The following SIPA1L1 variants were observed in gnomAD, a reference collection of about 807,000 sequenced individuals.
The protein encoded by SIPA1L1 is signal-induced proliferation-associated 1-like protein 1.
A neutral mutation model predicts 162.7 loss-of-function variants in SIPA1L1; 26 were observed. That is an observed-to-expected ratio of 0.16 (90% CI 0.12 to 0.22). The LOEUF is 0.22. Ranked by LOEUF, SIPA1L1 falls within the 10% of genes least tolerant of loss-of-function variation. The pLI is 1.00. For missense variants in SIPA1L1, 1,874 were observed against 2,241.0 expected, an observed-to-expected ratio of 0.84 and a Z score of 3.31; for synonymous variants, 829 against 837.4, an observed-to-expected ratio of 0.99 and a Z score of 0.17.
chr14:71,366,507 C>T (rs747877627), intron 2 of SIPA1L1, among the ~76,000 whole-genome samples: 1 of 152,106 alleles, frequency 6.6e-6, no homozygotes, highest in Non-Finnish European at 1.5e-5. Context: ...CGTGATCTCT[C>T]ACTGCAAACT....
At chr14:71,599,147 C>CTT (rs35037397) in intron 5 of SIPA1L1, among the ~76,000 whole-genome samples, 36,849 of 106,064 alleles carry the variant, frequency 0.35, 8,327 homozygotes, top group Non-Finnish European at 0.46. Flanking sequence ...TGATTTCATT[C>CTT]TTTTTTTTTT....
intron 2 of SIPA1L1, among the ~76,000 whole-genome samples, chr14:71,329,453 T>C (rs1368741554): frequency 6.6e-6 from 1 of 150,974 alleles, no homozygotes. Flanking sequence ...TAATAAAAAA[T>C]TTTTCGAGAC....
intron 2 of SIPA1L1, among the ~76,000 whole-genome samples, chr14:71,403,833 G>GGTTGCC (rs1190375432): frequency 5.9e-5 from 9 of 152,008 alleles, no homozygotes; most frequent in Admixed American, 5.9e-4. Flanking sequence ...TTTGTAGTCT[G>GGTTGCC]GTTGCCAGTC....
intron 4 of SIPA1L1, among the ~76,000 whole-genome samples, chr14:71,536,765 G>C (rs2053940973): frequency 6.6e-6 from 1 of 152,172 alleles, no homozygotes; most frequent in Non-Finnish European, 1.5e-5. Flanking sequence ...ATATTGCCAA[G>C]TTTTAAATTA....
chr14:71,684,831 G>A (rs1163007616), intron 12 of SIPA1L1, among the ~76,000 whole-genome samples: 1 of 150,728 alleles, frequency 6.6e-6, no homozygotes, highest in Non-Finnish European at 1.5e-5. Flanking sequence ...GAAGCTGCTT[G>A]TATACCCTTT....
chr14:71,373,328 A>C (rs2039067316), intron 2 of SIPA1L1, among the ~76,000 whole-genome samples: 1 of 149,900 alleles, frequency 6.7e-6, no homozygotes, highest in East Asian at 2.0e-4. Flanking sequence ...AAAAAAAAAA[A>C]GTTACCAGTA....
At chr14:71,566,775 G>A (rs1340420319) in intron 4 of SIPA1L1, among the ~76,000 whole-genome samples, 1 of 152,166 alleles carries the variant, frequency 6.6e-6, no homozygotes, top group Non-Finnish European at 1.5e-5. Context: ...GTATGATATT[G>A]GTGATTGGGA....
At chr14:71,612,613 C>A (rs1458526672) in intron 5 of SIPA1L1, among the ~76,000 whole-genome samples, 1 of 152,128 alleles carries the variant, frequency 6.6e-6, no homozygotes, top group African/African-American at 2.4e-5. Flanking sequence ...ACATAGCCTG[C>A]AGATACCATG....
chr14:71,503,691 T>C (rs369379516), intron 2 of SIPA1L1: 1 of 152,236 alleles, frequency 6.6e-6, no homozygotes, highest in East Asian at 1.9e-4. Context: ...TTATTTACTT[T>C]TGTAAACTAT....
chr14:71,495,886 C>CA (rs61183823), intron 2 of SIPA1L1, among the ~76,000 whole-genome samples: 1,075 of 38,028 alleles, frequency 0.028, 81 homozygotes, highest in African/African-American at 0.068. Context: ...TCCATCTCTA[C>CA]AAAAAAAAAA....
intron 2 of SIPA1L1, among the ~76,000 whole-genome samples, chr14:71,502,255 A>AAAATATATATATAT (rs67020418): frequency 3.1e-5 from 3 of 97,558 alleles, no homozygotes; most frequent in African/African-American, 1.4e-4. Context: ...AAAAAAAAAA[A>AAAATATATATATAT]ATATATATAT....
intron 12 of SIPA1L1, among the ~76,000 whole-genome samples, chr14:71,673,588 T>C (rs1330500054): frequency 1.3e-5 from 2 of 152,144 alleles, no homozygotes; most frequent in Non-Finnish European, 2.9e-5. Context: ...AGCAAATATA[T>C]ATGTGTGTGT....
At chr14:71,484,136 A>G (rs1349012426) in intron 2 of SIPA1L1, among the ~76,000 whole-genome samples, 3 of 152,210 alleles carry the variant, frequency 2.0e-5, no homozygotes, top group Admixed American at 6.5e-5. Flanking sequence ...CCTTGAATAA[A>G]TGGTGGAGTT....
chr14:71,697,851 A>G (rs2081766111), intron 13 of SIPA1L1, among the ~76,000 whole-genome samples: 1 of 152,218 alleles, frequency 6.6e-6, no homozygotes, highest in African/African-American at 2.4e-5. Context: ...CAAGACGTCA[A>G]AACTTTGACT....
chr14:71,431,502 G>A (rs1240100004), intron 2 of SIPA1L1, among the ~76,000 whole-genome samples: 24 of 152,124 alleles, frequency 1.6e-4, no homozygotes, highest in East Asian at 1.9e-4. Flanking sequence ...AGACCAGCCT[G>A]GGCAACATCG....
chr14:71,598,259 G>C (rs1421889678), intron 5 of SIPA1L1: 1 of 981,594 alleles, frequency 1.0e-6, no homozygotes, highest in African/African-American at 1.7e-5. Context: ...GGACACAACT[G>C]ATGGAAGCTA....
At chr14:71,423,714 C>G (rs1009353810) in intron 2 of SIPA1L1, among the ~76,000 whole-genome samples, 1 of 152,090 alleles carries the variant, frequency 6.6e-6, no homozygotes, top group Non-Finnish European at 1.5e-5. Context: ...ATTACCATAG[C>G]GTTGTAGTAA....
At chr14:71,719,309 C>A (rs1229956803) in intron 17 of SIPA1L1, among the ~76,000 whole-genome samples, 2 of 152,090 alleles carry the variant, frequency 1.3e-5, no homozygotes, top group Non-Finnish European at 2.9e-5. Context: ...TCTGGGAATG[C>A]AATATCCATG....
chr14:71,735,634 C>T, intron 22 of SIPA1L1: 1 of 408,628 alleles, frequency 2.4e-6, no homozygotes, highest in East Asian at 4.3e-5. Flanking sequence ...TGTCATAATA[C>T]ATTTATGCCC....
Sources: allele counts gnomAD v4.1 joint callset (sites outside exome capture counted in the v4.1 genomes callset), GRCh38; gene constraint gnomAD v4.1.1; transcripts MANE v1.5; gene names NCBI Gene and HGNC (gene_info 2026-07-23, HGNC 2026-07-21).